ADK: variants seen among roughly 807,000 people sequenced by gnomAD.
ADK encodes adenosine kinase.
ADK carries 24 observed loss-of-function variants against 44.7 expected under a neutral mutation model. That is an observed-to-expected ratio of 0.54 (90% confidence interval 0.39 to 0.76). The LOEUF is 0.76. ADK is among the 30% of genes least tolerant of loss of function. The pLI is 0.00. For missense variants in ADK, 321 were observed against 425.1 expected (o/e 0.76, Z 2.15); for synonymous variants, 128 against 142.6 (o/e 0.90, Z 0.73).
At chr10:74,324,831 A>T (rs573162643) in intron 4 of ADK, among the ~76,000 whole-genome samples, 28 of 152,312 alleles carry the variant, frequency 1.8e-4, no homozygotes, top group African/African-American at 6.3e-4. Flanking sequence ...CCTGTTTTCC[A>T]TAATGGCTGT....
At chr10:74,686,314 T>C (rs1855787707) in intron 10 of ADK, among the ~76,000 whole-genome samples, 1 of 152,170 alleles carries the variant, frequency 6.6e-6, no homozygotes, top group Admixed American at 6.5e-5. Flanking sequence ...GTGGGACTGC[T>C]GTGGTTTGAA....
intron 4 of ADK, among the ~76,000 whole-genome samples, chr10:74,321,764 A>C (rs1003757942): frequency 6.6e-6 from 1 of 152,068 alleles, no homozygotes; most frequent in Admixed American, 6.5e-5. Context: ...TGTTGTATAC[A>C]TCTCGGGGCA....
At chr10:74,670,319 C>A in intron 10 of ADK, 50 bp downstream of exon 10, 1 of 1,402,560 alleles carries the variant, frequency 7.1e-7, no homozygotes, top group South Asian at 1.2e-5. Context: ...CATTTTAACC[C>A]TTGTTTCTAC....
At chr10:74,173,959 A>G (rs1051081879) in intron 1 of ADK, among the ~76,000 whole-genome samples, 1 of 152,130 alleles carries the variant, frequency 6.6e-6, no homozygotes, top group Non-Finnish European at 1.5e-5. Context: ...TAATCTTCAC[A>G]GTGCCCTGAA....
chr10:74,178,005 G>A (rs1456931280), intron 1 of ADK, among the ~76,000 whole-genome samples: 3 of 148,032 alleles, frequency 2.0e-5, no homozygotes, highest in East Asian at 2.0e-4. Context: ...GCAATGGCGC[G>A]CTCTCTGCTC....
At chr10:74,258,558 A>G (rs1203685704) in intron 3 of ADK, among the ~76,000 whole-genome samples, 4 of 152,180 alleles carry the variant, frequency 2.6e-5, no homozygotes, top group African/African-American at 9.7e-5. Context: ...AATTCTACTT[A>G]GCAGGATACG....
At chr10:74,584,075 T>G (rs532651096) in intron 7 of ADK, among the ~76,000 whole-genome samples, 2 of 152,306 alleles carry the variant, frequency 1.3e-5, no homozygotes, top group South Asian at 4.1e-4. Context: ...AGTCACTAGG[T>G]CTAGAGCACA....
chr10:74,626,702 C>T (rs1242624171), intron 9 of ADK, among the ~76,000 whole-genome samples: 3 of 152,130 alleles, frequency 2.0e-5, no homozygotes, highest in African/African-American at 7.2e-5. Flanking sequence ...ATTTTTCCTT[C>T]AGTGGCTTGC....
At chr10:74,583,457 T>A (rs554883856) in intron 7 of ADK, among the ~76,000 whole-genome samples, 1 of 152,318 alleles carries the variant, frequency 6.6e-6, no homozygotes, top group East Asian at 1.9e-4. Flanking sequence ...GTTGAAGAAA[T>A]GGTTGACCAT....
intron 1 of ADK, among the ~76,000 whole-genome samples, chr10:74,183,408 AC>A (rs1455124160): frequency 6.6e-6 from 1 of 152,216 alleles, no homozygotes; most frequent in Non-Finnish European, 1.5e-5. Context: ...CCCCGTCTCT[AC>A]AAAAAATACG....
At chr10:74,387,589 A>G (rs548336644) in intron 4 of ADK, among the ~76,000 whole-genome samples, 2 of 152,268 alleles carry the variant, frequency 1.3e-5, no homozygotes, top group South Asian at 2.1e-4. Context: ...CCCATCCTTC[A>G]AAGACCAATT....
At chr10:74,635,016 T>C (rs1017498316) in intron 9 of ADK, among the ~76,000 whole-genome samples, 4 of 152,170 alleles carry the variant, frequency 2.6e-5, no homozygotes, top group African/African-American at 2.4e-5. Flanking sequence ...AGGCCTAAAA[T>C]GTTCATAATT....
At chr10:74,158,026 G>A (rs1841800679) in intron 1 of ADK, among the ~76,000 whole-genome samples, 2 of 152,044 alleles carry the variant, frequency 1.3e-5, no homozygotes, top group Admixed American at 1.3e-4. Context: ...AGCTTGAAAG[G>A]GCATTATATG....
chr10:74,501,845 T>G (rs1321169515), intron 6 of ADK, among the ~76,000 whole-genome samples: 6 of 152,028 alleles, frequency 3.9e-5, no homozygotes, highest in African/African-American at 1.4e-4. Context: ...CAGGGACTTG[T>G]GGGGAGTGAG....
chr10:74,231,568 AG>A (rs1844764911), intron 3 of ADK, among the ~76,000 whole-genome samples: 1 of 148,798 alleles, frequency 6.7e-6, no homozygotes, highest in African/African-American at 2.5e-5. Flanking sequence ...TGTGGGCTTA[AG>A]CAATCCTCCC....
intron 4 of ADK, among the ~76,000 whole-genome samples, chr10:74,380,253 C>T (rs1033527999): frequency 2.0e-5 from 3 of 152,138 alleles, no homozygotes; most frequent in South Asian, 4.1e-4. Context: ...GCCCTTAGAA[C>T]TATCTTTATA....
At chr10:74,442,364 G>A (rs1040457117) in intron 6 of ADK, among the ~76,000 whole-genome samples, 1 of 152,124 alleles carries the variant, frequency 6.6e-6, no homozygotes, top group Non-Finnish European at 1.5e-5. Context: ...AAAGGAGATC[G>A]GCCGGGCATG....
chr10:74,322,181 C>G (rs1199262776), intron 4 of ADK, among the ~76,000 whole-genome samples: 3 of 152,300 alleles, frequency 2.0e-5, no homozygotes, highest in African/African-American at 7.2e-5. Context: ...AGACATACTT[C>G]TGTGCATCGG....
intron 1 of ADK, among the ~76,000 whole-genome samples, chr10:74,186,874 G>T: frequency 6.6e-6 from 1 of 152,080 alleles, no homozygotes; most frequent in African/African-American, 2.4e-5. Flanking sequence ...ATGGGCTTTG[G>T]GTTATTTCCA....
Sources: gnomAD v4.1 joint callset for allele counts (sites outside exome capture counted in the v4.1 genomes callset) on GRCh38, gnomAD v4.1.1 for gene constraint, MANE v1.5 for transcripts, NCBI Gene and HGNC (gene_info 2026-07-23, HGNC 2026-07-21) for gene names.